Variants in DACH1 observed in about 807,000 individuals in gnomAD.
DACH1 encodes dachshund family transcription factor 1.
In DACH1, 12 loss-of-function variants were observed where a neutral mutation model predicts 54.2. The ratio of observed to expected loss-of-function variants is 0.22; its 90% CI spans 0.14 to 0.36. The LOEUF (loss-of-function observed/expected upper bound fraction) is 0.36, where lower values mean the gene tolerates loss of function less well. Among genes scored for constraint, DACH1 ranks in the 10% least tolerant of loss-of-function variants. The pLI, the probability that DACH1 is intolerant of heterozygous loss-of-function variation, is 1.00. For synonymous variants in DACH1, 386 were observed against 366.2 expected (o/e 1.05, Z -0.62); for missense variants, 805 against 929.8 (o/e 0.87, Z 1.75).
chr13:71,699,666 A>T (rs1882013860), intron 1 of DACH1, among the ~76,000 whole-genome samples: 1 of 152,220 alleles, frequency 6.6e-6, no homozygotes, highest in African/African-American at 2.4e-5. Flanking sequence ...GCTGGACAAG[A>T]TGTTATTGCA....
At chr13:71,688,413 A>T (rs371087818) in intron 1 of DACH1, among the ~76,000 whole-genome samples, 2 of 152,206 alleles carry the variant, frequency 1.3e-5, no homozygotes, top group Non-Finnish European at 2.9e-5. Context: ...AAGCTATATG[A>T]TTAACATTAT....
intron 1 of DACH1, among the ~76,000 whole-genome samples, chr13:71,831,660 T>G (rs1888595587): frequency 6.6e-6 from 1 of 151,998 alleles, no homozygotes; most frequent in African/African-American, 2.4e-5. Context: ...TGCTACATAC[T>G]GGGATTGCTC....
At chr13:71,464,508 A>C in intron 10 of DACH1, 1 of 371,360 alleles carries the variant, frequency 2.7e-6, no homozygotes, top group Non-Finnish European at 5.2e-6. Flanking sequence ...AAAGAAGATA[A>C]ATATTTCATT....
intron 1 of DACH1, among the ~76,000 whole-genome samples, chr13:71,799,968 G>A (rs1887223859): frequency 1.3e-5 from 2 of 152,060 alleles, no homozygotes; most frequent in Non-Finnish European, 2.9e-5. Context: ...TGTTTAGAAT[G>A]AATACTGCAC....
intron 3 of DACH1, among the ~76,000 whole-genome samples, chr13:71,615,644 A>G (rs761361004): frequency 2.6e-5 from 4 of 152,304 alleles, no homozygotes; most frequent in Admixed American, 6.5e-5. Flanking sequence ...CAGAGACTGC[A>G]GTAAATAATC....
chr13:71,456,019 C>CA (rs1395889124), intron 10 of DACH1, among the ~76,000 whole-genome samples: 2 of 152,092 alleles, frequency 1.3e-5, no homozygotes, highest in East Asian at 3.9e-4. Context: ...TGTCCTATTA[C>CA]AAAAAACTGT....
rs538904630 is a variant in DACH1, at chr13:71,480,226, G to A, written c.1723-910C>T. Among the ~76,000 whole-genome samples, 13 of 152,072 alleles carry A rather than the reference G, an allele frequency of 8.5e-5. No individual in the cohort carries two copies. In the South Asian group the frequency reaches 2.3e-3, roughly 27 times the overall value. ...CTTGAGATACGTAATATATTTAAGC[G>A]ATCTAAAACTTGGTTTAGTAGTGCA... On this transcript the variant is annotated intron_variant, in intron 7 of 10. Transcript: ENST00000613252.
chr13:71,450,083 GATC>G lies in DACH1; in HGVS notation c.2084-9394_2084-9392del, dbSNP rs569817013. 2.6e-5 allele frequency among the ~76,000 whole-genome samples: 4 copies of G among 151,586 alleles called. No individual in the cohort carries two copies. The South Asian group carries it at 8.3e-4, about 32-fold the overall frequency. On this transcript the variant is annotated intron_variant, in intron 10 of 10. Coordinates refer to ENST00000613252, the MANE Select transcript of DACH1 (RefSeq NM_080759.6). Reference sequence around the variant, plus strand: ...AAGAAAAAATGTTCTGAGAACAAGAGATCATCTAAAGCTGTAAAACACAGTTTG... The same window carrying G: ...AAGAAAAAATGTTCTGAGAACAAGAGATCTAAAGCTGTAAAACACAGTTTG...
intron 1 of DACH1, among the ~76,000 whole-genome samples, chr13:71,813,707 A>C (rs1327578895): frequency 6.6e-6 from 1 of 152,132 alleles, no homozygotes; most frequent in Admixed American, 6.5e-5. Flanking sequence ...TATATACAAG[A>C]CTCAAAAGCA....
intron 6 of DACH1, among the ~76,000 whole-genome samples, chr13:71,538,302 A>G (rs1882930712): frequency 6.6e-6 from 1 of 152,058 alleles, no homozygotes; most frequent in Admixed American, 6.6e-5. Context: ...AGTATTACAA[A>G]GAAGATACAT....
intron 1 of DACH1, among the ~76,000 whole-genome samples, chr13:71,783,412 G>C (rs1886462704): frequency 6.6e-6 from 1 of 152,056 alleles, no homozygotes; most frequent in South Asian, 2.1e-4. Flanking sequence ...ATACAAACAA[G>C]ATCAAGATCC....
At chr13:71,768,316 G>C (rs1327557979) in intron 1 of DACH1, among the ~76,000 whole-genome samples, 1 of 151,848 alleles carries the variant, frequency 6.6e-6, no homozygotes, top group African/African-American at 2.4e-5. Flanking sequence ...AAAAGATGTC[G>C]ATTTCTCTAA....
intron 1 of DACH1, among the ~76,000 whole-genome samples, chr13:71,740,895 A>T (rs766055286): frequency 1.3e-4 from 20 of 152,166 alleles, no homozygotes; most frequent in Non-Finnish European, 2.6e-4. Flanking sequence ...AATTATGTTA[A>T]AATGGAAGCC....
At chr13:71,842,413 TA>T (rs10712982) in intron 1 of DACH1, among the ~76,000 whole-genome samples, 25,437 of 138,376 alleles carry the variant, frequency 0.18, 3,660 homozygotes, top group African/African-American at 0.41. Context: ...CCATTTCTAT[TA>T]AAAAAAAAAA....
intron 6 of DACH1, among the ~76,000 whole-genome samples, chr13:71,506,131 A>G (rs1880299897): frequency 1.3e-5 from 2 of 151,860 alleles, no homozygotes; most frequent in Admixed American, 1.3e-4. Flanking sequence ...TAAAGCTCTT[A>G]AGATTCTTTT....
At chr13:71,640,456 A>G (rs1006405219) in intron 2 of DACH1, among the ~76,000 whole-genome samples, 1 of 152,216 alleles carries the variant, frequency 6.6e-6, no homozygotes. Context: ...TACATAGGGC[A>G]CAATGAGGAA....
chr13:71,456,463 T>C, intron 10 of DACH1, among the ~76,000 whole-genome samples: 1 of 152,014 alleles, frequency 6.6e-6, no homozygotes. Context: ...ATGTAGATCA[T>C]TATATCCTGA....
intron 1 of DACH1, among the ~76,000 whole-genome samples, chr13:71,753,861 T>C (rs1885026745): frequency 6.6e-6 from 1 of 152,188 alleles, no homozygotes; most frequent in South Asian, 2.1e-4. Flanking sequence ...TTAGTTGCCA[T>C]GTGTACAAAT....
intron 3 of DACH1, among the ~76,000 whole-genome samples, chr13:71,618,726 C>T (rs1875974405): frequency 6.6e-6 from 1 of 151,746 alleles, no homozygotes; most frequent in Non-Finnish European, 1.5e-5. Flanking sequence ...ATTTTAAAAG[C>T]CTACTCAAGT....
Sources: gnomAD v4.1 joint callset for allele counts (sites outside exome capture counted in the v4.1 genomes callset) on GRCh38, gnomAD v4.1.1 for gene constraint, MANE v1.5 for transcripts, NCBI Gene and HGNC (gene_info 2026-07-23, HGNC 2026-07-21) for gene names.